Variants in DLG2 observed in about 807,000 individuals in gnomAD.
The protein encoded by DLG2 is discs large MAGUK scaffold protein 2.
A neutral mutation model predicts 132.5 loss-of-function variants in DLG2; 45 were observed. The observed-to-expected ratio is 0.34, with a 90% confidence interval of 0.27 to 0.44. The LOEUF is 0.44. Among genes scored for constraint, DLG2 ranks in the 20% least tolerant of loss-of-function variants. DLG2 has a pLI of 1.00. For synonymous variants in DLG2, 424 were observed against 419.6 expected (o/e 1.01, Z -0.13); for missense variants, 1,045 against 1,196.9 (o/e 0.87, Z 1.87).
chr11:83,928,460 T>C (rs1488049841), intron 15 of DLG2, among the ~76,000 whole-genome samples: 2 of 151,746 alleles, frequency 1.3e-5, no homozygotes, highest in African/African-American at 4.8e-5. Flanking sequence ...AGGAAACCAA[T>C]GTAACTTTTA....
chr11:84,734,637 C>T (rs995881092), intron 6 of DLG2, among the ~76,000 whole-genome samples: 5 of 152,270 alleles, frequency 3.3e-5, no homozygotes, highest in African/African-American at 7.2e-5. Context: ...ATTCCTTTCT[C>T]CTGCCTGATT....
intron 9 of DLG2, among the ~76,000 whole-genome samples, chr11:84,131,180 G>A (rs150523309): frequency 6.6e-6 from 1 of 152,030 alleles, no homozygotes; most frequent in African/African-American, 2.4e-5. Flanking sequence ...CAGGCAGAAG[G>A]AGGCAGCTTA....
chr11:84,142,561 G>A (rs1487462563), intron 9 of DLG2, among the ~76,000 whole-genome samples: 2 of 152,084 alleles, frequency 1.3e-5, no homozygotes, highest in Non-Finnish European at 2.9e-5. Context: ...CGGCAGCTCT[G>A]GAATAGATTA....
At chr11:85,617,560 T>G (rs904284559) in intron 2 of DLG2, among the ~76,000 whole-genome samples, 4 of 152,246 alleles carry the variant, frequency 2.6e-5, no homozygotes, top group African/African-American at 9.6e-5. Flanking sequence ...GCACTATGCC[T>G]GGCACATAGC....
intron 10 of DLG2, among the ~76,000 whole-genome samples, chr11:84,077,877 A>G (rs972620252): frequency 1.3e-5 from 2 of 152,178 alleles, no homozygotes; most frequent in African/African-American, 2.4e-5. Context: ...AACATTTTCT[A>G]TTGATCACCC....
intron 12 of DLG2, among the ~76,000 whole-genome samples, chr11:83,968,268 G>A (rs989565835): frequency 6.6e-6 from 1 of 152,118 alleles, no homozygotes; most frequent in Non-Finnish European, 1.5e-5. Context: ...TTAATCCTTG[G>A]TGATGTAGCC....
intron 4 of DLG2, among the ~76,000 whole-genome samples, chr11:85,255,688 G>A (rs968883611): frequency 7.2e-5 from 11 of 152,080 alleles, no homozygotes; most frequent in Admixed American, 7.2e-4. Flanking sequence ...TTCTATATTT[G>A]AAAATGACTT....
chr11:85,041,343 A>C (rs992586665), intron 6 of DLG2, among the ~76,000 whole-genome samples: 1 of 151,968 alleles, frequency 6.6e-6, no homozygotes, highest in Non-Finnish European at 1.5e-5. Context: ...GCTGGATTTT[A>C]TATTCCAAGT....
At chr11:84,777,953 TTTAA>T (rs1431791633) in intron 6 of DLG2, among the ~76,000 whole-genome samples, 1 of 152,150 alleles carries the variant, frequency 6.6e-6, no homozygotes, top group East Asian at 1.9e-4. Flanking sequence ...AGATTTTTAG[TTTAA>T]TTAAGCCCCA....
chr11:85,139,536 A>T (rs2076328045), intron 5 of DLG2, among the ~76,000 whole-genome samples: 1 of 152,116 alleles, frequency 6.6e-6, no homozygotes, highest in Non-Finnish European at 1.5e-5. Context: ...GGTATACAAC[A>T]TCATGTAAGA....
At chr11:85,449,597 A>G (rs1355249861) in intron 3 of DLG2, among the ~76,000 whole-genome samples, 1 of 151,896 alleles carries the variant, frequency 6.6e-6, no homozygotes, top group Non-Finnish European at 1.5e-5. Flanking sequence ...GTGTTTAGTG[A>G]TATTTTCTGG....
At chr11:85,608,837 A>G (rs1231195415) in intron 2 of DLG2, among the ~76,000 whole-genome samples, 7 of 152,184 alleles carry the variant, frequency 4.6e-5, no homozygotes, top group African/African-American at 1.4e-4. Flanking sequence ...CAAACCTTCA[A>G]TCTCTTTTGG....
rs750536093 is a variant in DLG2 at position 85,267,250 on chromosome 11, A to C, written c.186+17970T>G. Reference sequence around the variant, plus strand: ...TGAAGGTACAACAACACGGCTATCTATAAACCAGAAACAGGGCTTTTACCA... The same window carrying C: ...TGAAGGTACAACAACACGGCTATCTCTAAACCAGAAACAGGGCTTTTACCA... On this transcript the variant is annotated intron_variant, in intron 4 of 27. Transcript: ENST00000376104. Among the ~76,000 whole-genome samples the C allele has an allele frequency of 2.6e-5, 4 of 152,340 alleles. No individual in the cohort carries two copies. In the South Asian group the frequency reaches 6.2e-4, roughly 24 times the overall value.
chr11:84,429,293 G>GA (rs1458750719), intron 7 of DLG2, among the ~76,000 whole-genome samples: 1 of 152,248 alleles, frequency 6.6e-6, no homozygotes, highest in East Asian at 1.9e-4. Context: ...CAGTCTTATA[G>GA]AAAATCAGAA....
intron 11 of DLG2, among the ~76,000 whole-genome samples, chr11:84,051,954 C>T (rs2096394388): frequency 6.6e-6 from 1 of 151,632 alleles, no homozygotes; most frequent in African/African-American, 2.4e-5. Flanking sequence ...CTGTGGGTGA[C>T]TAAGACAATC....
At chr11:84,131,547 C>T (rs548626841) in intron 9 of DLG2, among the ~76,000 whole-genome samples, 2 of 151,964 alleles carry the variant, frequency 1.3e-5, no homozygotes, top group South Asian at 2.1e-4. Flanking sequence ...CTAGTGTTTA[C>T]TCTCAGTCAA....
chr11:83,955,829 C>G (rs2449589), intron 14 of DLG2, among the ~76,000 whole-genome samples: 19,491 of 152,116 alleles, frequency 0.13, 1,541 homozygotes, highest in East Asian at 0.3. Flanking sequence ...TTTCTGCCCT[C>G]AAACAATAGA....
At chr11:83,671,663 A>AT (rs907898104) in intron 18 of DLG2, among the ~76,000 whole-genome samples, 1 of 152,182 alleles carries the variant, frequency 6.6e-6, no homozygotes, top group African/African-American at 2.4e-5. Flanking sequence ...ATGCTTATTT[A>AT]TTTTTTGTTT....
At chr11:83,501,209 T>C (rs1188989993) in intron 21 of DLG2, among the ~76,000 whole-genome samples, 1 of 151,478 alleles carries the variant, frequency 6.6e-6, no homozygotes, top group Non-Finnish European at 1.5e-5. Context: ...TTTCTTTTTT[T>C]TTTTTTTGGA....
Sources: gnomAD v4.1 joint callset for allele counts (sites outside exome capture counted in the v4.1 genomes callset) on GRCh38, gnomAD v4.1.1 for gene constraint, MANE v1.5 for transcripts, NCBI Gene and HGNC (gene_info 2026-07-23, HGNC 2026-07-21) for gene names.